The following ANXA7 variants were observed in gnomAD, a reference collection of about 807,000 sequenced individuals.
ANXA7 encodes the protein annexin VII.
Under a neutral mutation model 64.9 loss-of-function variants are expected in ANXA7, and 55 were observed. The observed-to-expected ratio is 0.85, with a 90% CI of 0.68 to 1.06. The LOEUF (loss-of-function observed/expected upper bound fraction) is 1.06, where lower values mean the gene tolerates loss of function less well. Among genes scored for constraint, ANXA7 ranks in the 50% least tolerant of loss-of-function variants. The pLI is 0.00. For missense variants in ANXA7, 548 were observed against 582.1 expected, an observed-to-expected ratio of 0.94 and a Z score of 0.60; for synonymous variants, 200 against 192.4, an observed-to-expected ratio of 1.04 and a Z score of -0.33.
At chr10:73,393,962 T>C (rs2055528611) in intron 5 of ANXA7, among the ~76,000 whole-genome samples, 1 of 152,232 alleles carries the variant, frequency 6.6e-6, no homozygotes, top group Non-Finnish European at 1.5e-5. Context: ...TCTACCCATC[T>C]GACAAACGGC....
intron 9 of ANXA7, among the ~76,000 whole-genome samples, chr10:73,382,407 A>G (rs1167188042): frequency 6.6e-6 from 1 of 152,002 alleles, no homozygotes; most frequent in East Asian, 1.9e-4. Context: ...CAGTGGTGCG[A>G]TCACAGTTCA....
chr10:73,376,557 G>A (rs1477246216), intron 12 of ANXA7, among the ~76,000 whole-genome samples: 7 of 152,200 alleles, frequency 4.6e-5, no homozygotes, highest in Admixed American at 4.6e-4. Flanking sequence ...TTGTACACAG[G>A]TTGATGGAAA....
chr10:73,411,371 A>T (rs1304640637), intron 1 of ANXA7, among the ~76,000 whole-genome samples: 1 of 152,174 alleles, frequency 6.6e-6, no homozygotes, highest in African/African-American at 2.4e-5. Flanking sequence ...GGTGACTAAA[A>T]TCTCAGAATT....
At chr10:73,385,250 G>C (rs765160475) in intron 7 of ANXA7, among the ~76,000 whole-genome samples, 1 of 152,184 alleles carries the variant, frequency 6.6e-6, no homozygotes, top group African/African-American at 2.4e-5. Flanking sequence ...TTGCTGGGAG[G>C]AACCACTGGA....
chr10:73,410,834 G>T (rs941902839), intron 1 of ANXA7, among the ~76,000 whole-genome samples: 5 of 151,558 alleles, frequency 3.3e-5, no homozygotes, highest in African/African-American at 1.2e-4. Context: ...GTGGATGTGG[G>T]GAAAAGAGAC....
intron 5 of ANXA7, among the ~76,000 whole-genome samples, chr10:73,392,808 C>G (rs1245265154): frequency 6.6e-6 from 1 of 151,976 alleles, no homozygotes; most frequent in Non-Finnish European, 1.5e-5. Context: ...GGGATGCCCT[C>G]TCTCACCACT....
At chr10:73,407,598 C>T (rs144053297) in intron 1 of ANXA7, among the ~76,000 whole-genome samples, 43 of 152,314 alleles carry the variant, frequency 2.8e-4, no homozygotes, top group African/African-American at 1.0e-3. Context: ...CACTTTTCAT[C>T]AATACAGCTG....
chr10:73,392,295 T>C (rs576173748), intron 5 of ANXA7, among the ~76,000 whole-genome samples: 113 of 152,360 alleles, frequency 7.4e-4, no homozygotes, highest in Non-Finnish European at 1.2e-3. Context: ...GTACCATTCC[T>C]TCTGAAACTA....
At chr10:73,382,406 G>C (rs987621025) in intron 9 of ANXA7, among the ~76,000 whole-genome samples, 1 of 151,812 alleles carries the variant, frequency 6.6e-6, no homozygotes, top group East Asian at 1.9e-4. Flanking sequence ...GCAGTGGTGC[G>C]ATCACAGTTC....
intron 1 of ANXA7, among the ~76,000 whole-genome samples, chr10:73,413,535 C>A (rs2055877227): frequency 6.6e-6 from 1 of 152,220 alleles, no homozygotes; most frequent in African/African-American, 2.4e-5. Context: ...TAAACGAGAA[C>A]CAGTGTACGA....
rs551932209 is a variant in ANXA7 at position 73,409,484 on chromosome 10, AAGG to A, written c.-2+4525_-2+4527del. Among the ~76,000 whole-genome samples the A allele has an allele frequency of 3.9e-3, 589 of 152,328 alleles. 4 individuals are homozygous for A. The highest frequency in any genetic ancestry group is 6.8e-3 in the Non-Finnish European group (460 of 68,020). On this transcript the variant is annotated intron_variant, in intron 1 of 12. Transcript: ENST00000372921. The stretch of plus-strand genomic sequence containing the variant: ...CACCAAGGAGATGACAGATCTCTAC[AAGG>A]AGAACTACAAAATACTGCTGAAAGA...
chr10:73,377,773 G>GGGGGGTGTGT (rs1554815379), intron 12 of ANXA7, among the ~76,000 whole-genome samples: 71 of 124,836 alleles, frequency 5.7e-4, no homozygotes, highest in South Asian at 4.1e-3. Flanking sequence ...GGTGGGTGTG[G>GGGGGGTGTGT]GTGTGTGTGT....
chr10:73,399,140 T>C (rs1400881804), intron 2 of ANXA7, among the ~76,000 whole-genome samples: 1 of 152,128 alleles, frequency 6.6e-6, no homozygotes, highest in African/African-American at 2.4e-5. Context: ...GACTCCAAAG[T>C]GCTAAAGGAT....
intron 6 of ANXA7, 23 bp from the exon 7 acceptor site, chr10:73,387,806 A>G: frequency 6.4e-7 from 1 of 1,566,570 alleles, no homozygotes; most frequent in Admixed American, 1.7e-5. Flanking sequence ...CACATGTTTA[A>G]GTAAGGACAA....
At chr10:73,388,467 G>A (rs1373491923) in intron 5 of ANXA7, 53 bp from the exon 6 acceptor site, 3 of 1,396,910 alleles carry the variant, frequency 2.1e-6, no homozygotes, top group Non-Finnish European at 3.0e-6. Flanking sequence ...AGTTTCTAAT[G>A]AGGAAACTTA....
chr10:73,381,691 TAA>T (rs1166295464), intron 9 of ANXA7: 1 of 152,230 alleles, frequency 6.6e-6, no homozygotes, highest in African/African-American at 2.4e-5. Context: ...GAACTCTGCA[TAA>T]AGAGAGACTC....
intron 1 of ANXA7, among the ~76,000 whole-genome samples, chr10:73,412,063 A>T (rs1236500570): frequency 2.0e-5 from 3 of 151,986 alleles, no homozygotes; most frequent in African/African-American, 4.8e-5. Context: ...TTTGAGATGG[A>T]GTCTCGCTCT....
rs562913722 is a variant in ANXA7 at position 73,391,741 on chromosome 10, T to C, written c.436-3327A>G. 1.3e-5 allele frequency among the ~76,000 whole-genome samples: 2 copies of C among 152,258 alleles called. 1 individual carries two copies. Among genetic ancestry groups the C allele is most frequent in the South Asian group, 4.1e-4 (2 of 4,826 alleles). On this transcript the variant is annotated intron_variant, in intron 5 of 12. Coordinates refer to ENST00000372921, the MANE Select transcript of ANXA7 (RefSeq NM_001156.5). Reference sequence around the variant, plus strand: ...TAAGACAAAAATTTTTTTTACACCTTCCTTGATACACACAGACACATCCAT... The same window carrying C: ...TAAGACAAAAATTTTTTTTACACCTCCCTTGATACACACAGACACATCCAT...
Position 73,398,263 on chromosome 10 carries a change from G to A in ANXA7, c.177C>T (p.Gly59=). The A allele has an allele frequency of 2.5e-6, 4 of 1,614,068 alleles. No individual in the cohort carries two copies. Among genetic ancestry groups the A allele is most frequent in the Non-Finnish European group, 3.4e-6 (4 of 1,180,004 alleles). The change falls in exon 3 of 13, where the codon GGC becomes GGT. Residue 59 remains glycine, a synonymous_variant. Transcript: ENST00000372921. ...VPSSGYPGAG[G]YPAPGGYPAP... Reference sequence around the variant, plus strand: ...CTGGATAACCTCCAGGCGCAGGGTAGCCTCCAGCTCCTGGGTAGCCACTAC... The same window carrying A: ...CTGGATAACCTCCAGGCGCAGGGTAACCTCCAGCTCCTGGGTAGCCACTAC...
Sources: gnomAD v4.1 joint callset for allele counts (sites outside exome capture counted in the v4.1 genomes callset) on GRCh38, gnomAD v4.1.1 for gene constraint, MANE v1.5 for transcripts, NCBI Gene and HGNC (gene_info 2026-07-23, HGNC 2026-07-21) for gene names.